VTI1A: variants seen among roughly 807,000 people sequenced by gnomAD.
VTI1A encodes vesicle transport through interaction with t-SNAREs homolog 1A.
In VTI1A, 22 loss-of-function variants were observed where a neutral mutation model predicts 34.9. The observed-to-expected ratio is 0.63, with a 90% CI of 0.45 to 0.90. The LOEUF is 0.90. VTI1A is among the 40% of genes least tolerant of loss of function. The pLI is 0.00. For missense variants in VTI1A, 268 were observed against 275.6 expected, an observed-to-expected ratio of 0.97 and a Z score of 0.20; for synonymous variants, 87 against 97.3, an observed-to-expected ratio of 0.89 and a Z score of 0.62.
intron 7 of VTI1A, among the ~76,000 whole-genome samples, chr10:112,742,488 A>C (rs1463506098): frequency 6.6e-6 from 1 of 152,190 alleles, no homozygotes; most frequent in Non-Finnish European, 1.5e-5. Flanking sequence ...AGAAACCCAA[A>C]ACTATTTTTC....
At chr10:112,450,931 G>A (rs1847213409) in intron 1 of VTI1A, among the ~76,000 whole-genome samples, 1 of 152,162 alleles carries the variant, frequency 6.6e-6, no homozygotes, top group Non-Finnish European at 1.5e-5. Context: ...ATTCTTAAGT[G>A]GGGAATGTTT....
chr10:112,739,600 C>A (rs1210550792), intron 7 of VTI1A, among the ~76,000 whole-genome samples: 2 of 152,234 alleles, frequency 1.3e-5, no homozygotes, highest in African/African-American at 4.8e-5. Flanking sequence ...CAGAGACATT[C>A]TTTTCACTCA....
At chr10:112,612,438 A>G (rs932878375) in intron 5 of VTI1A, among the ~76,000 whole-genome samples, 1 of 152,184 alleles carries the variant, frequency 6.6e-6, no homozygotes, top group African/African-American at 2.4e-5. Flanking sequence ...TTTAAGAGAC[A>G]GGGTCTTGCT....
chr10:112,828,063 T>C, the VTI1A span, among the ~76,000 whole-genome samples: 2 of 152,164 alleles, frequency 1.3e-5, no homozygotes, highest in South Asian at 2.1e-4. Context: ...GCAGAGAAAA[T>C]AGCACTCCAC....
chr10:112,536,831 TGTCACCTATGCCGG>T (rs551889431), intron 4 of VTI1A, among the ~76,000 whole-genome samples: 1 of 149,602 alleles, frequency 6.7e-6, no homozygotes, highest in East Asian at 2.0e-4. Flanking sequence ...ATCTCAGATG[TGTCACCTATGCCGG>T]GAGGGAATAA....
intron 7 of VTI1A, among the ~76,000 whole-genome samples, chr10:112,707,628 A>G (rs1312541517): frequency 6.6e-6 from 1 of 152,154 alleles, no homozygotes; most frequent in African/African-American, 2.4e-5. Context: ...CACCTTGCCC[A>G]GCTATTGAAC....
chr10:112,799,617 G>T (rs1852803282), intron 7 of VTI1A, among the ~76,000 whole-genome samples: 1 of 152,106 alleles, frequency 6.6e-6, no homozygotes, highest in Non-Finnish European at 1.5e-5. Flanking sequence ...TCCCAGGCTG[G>T]CAGGTGATGT....
intron 5 of VTI1A, among the ~76,000 whole-genome samples, chr10:112,648,261 G>A (rs543138816): frequency 6.6e-6 from 1 of 152,256 alleles, no homozygotes; most frequent in East Asian, 1.9e-4. Context: ...CTTCCATTTT[G>A]TTCTCTCTCT....
At chr10:112,826,869 A>G in the VTI1A span, 1 of 152,210 alleles carries the variant, frequency 6.6e-6, no homozygotes, top group Non-Finnish European at 1.5e-5. Flanking sequence ...CACGTTCTGT[A>G]AAAAGTAATA....
chr10:112,802,963 A>G (rs1852927957), intron 7 of VTI1A, among the ~76,000 whole-genome samples: 1 of 152,222 alleles, frequency 6.6e-6, no homozygotes, highest in South Asian at 2.1e-4. Context: ...CTTGGTTTTA[A>G]GAAAAAAGCT....
At chr10:112,655,374 G>A (rs954268519) in intron 5 of VTI1A, among the ~76,000 whole-genome samples, 1 of 152,106 alleles carries the variant, frequency 6.6e-6, no homozygotes, top group East Asian at 1.9e-4. Context: ...TATGTGGTGG[G>A]GTGGGGCAGG....
intron 5 of VTI1A, among the ~76,000 whole-genome samples, chr10:112,544,304 C>T (rs1232868418): frequency 2.6e-5 from 4 of 152,276 alleles, no homozygotes; most frequent in South Asian, 2.1e-4. Context: ...AATCTTGGCT[C>T]ACTGCAATGT....
At chr10:112,679,444 T>A (rs543634194) in intron 7 of VTI1A, among the ~76,000 whole-genome samples, 1 of 152,312 alleles carries the variant, frequency 6.6e-6, no homozygotes, top group South Asian at 2.1e-4. Flanking sequence ...TTTAAAATTA[T>A]CTCTAACATT....
intron 3 of VTI1A, among the ~76,000 whole-genome samples, chr10:112,479,211 G>A (rs918948376): frequency 2.6e-5 from 4 of 152,040 alleles, no homozygotes; most frequent in African/African-American, 7.2e-5. Context: ...TTACTAGGCC[G>A]GACACTGGCC....
At chr10:112,665,900 T>G (rs1425694158) in intron 5 of VTI1A, among the ~76,000 whole-genome samples, 2 of 152,192 alleles carry the variant, frequency 1.3e-5, no homozygotes, top group Non-Finnish European at 2.9e-5. Flanking sequence ...CATTTTAGAT[T>G]ACATGTTATA....
intron 5 of VTI1A, among the ~76,000 whole-genome samples, chr10:112,559,851 A>G (rs1457967431): frequency 1.3e-5 from 2 of 152,192 alleles, no homozygotes; most frequent in African/African-American, 4.8e-5. Flanking sequence ...ATGAGAAAAA[A>G]TTGGGGGAAA....
intron 7 of VTI1A, among the ~76,000 whole-genome samples, chr10:112,685,005 C>T (rs1355189701): frequency 6.6e-6 from 1 of 152,110 alleles, no homozygotes; most frequent in Non-Finnish European, 1.5e-5. Context: ...TTTCGTGTTT[C>T]AGAATAGCAG....
At chr10:112,475,155 A>C (rs565883681) in intron 3 of VTI1A, among the ~76,000 whole-genome samples, 1 of 152,374 alleles carries the variant, frequency 6.6e-6, no homozygotes, top group African/African-American at 2.4e-5. Context: ...TGGTCTTAAT[A>C]GATTTTCTTC....
intron 5 of VTI1A, among the ~76,000 whole-genome samples, chr10:112,560,722 G>A (rs1292798281): frequency 3.3e-5 from 5 of 149,804 alleles, no homozygotes; most frequent in East Asian, 4.0e-4. Flanking sequence ...TCAGCCTCCC[G>A]AGTAGCTGGG....
Sources: gnomAD v4.1 joint callset for allele counts (sites outside exome capture counted in the v4.1 genomes callset) on GRCh38, gnomAD v4.1.1 for gene constraint, MANE v1.5 for transcripts, NCBI Gene and HGNC (gene_info 2026-07-23, HGNC 2026-07-21) for gene names.